The following TENM3 variants were observed in gnomAD, a reference collection of about 807,000 sequenced individuals.
The protein encoded by TENM3 is teneurin-3.
In TENM3, 63 loss-of-function variants were observed where a neutral mutation model predicts 255.1. That is an observed-to-expected ratio of 0.25 (90% CI 0.20 to 0.30). TENM3 has a LOEUF of 0.30. Among genes scored for constraint, TENM3 ranks in the 10% least tolerant of loss-of-function variants. TENM3 has a pLI of 1.00. For missense variants in TENM3, 2,929 were observed against 3,461.1 expected (o/e 0.85, Z 3.86); for synonymous variants, 1,306 against 1,322.3 (o/e 0.99, Z 0.27).
intron 3 of TENM3, among the ~76,000 whole-genome samples, chr4:182,459,256 T>G (rs532020371): frequency 1.3e-5 from 2 of 152,196 alleles, no homozygotes; most frequent in African/African-American, 4.8e-5. Context: ...AAAGAGAAAT[T>G]TCTCAGTATT....
chr4:182,667,554 T>A (rs148252750), intron 6 of TENM3, among the ~76,000 whole-genome samples: 30 of 152,296 alleles, frequency 2.0e-4, no homozygotes, highest in African/African-American at 6.5e-4. Flanking sequence ...AATCTACATT[T>A]TGTTAGAACC....
the TENM3 span, among the ~76,000 whole-genome samples, chr4:181,910,567 A>T: frequency 6.7e-6 from 1 of 148,794 alleles, no homozygotes; most frequent in African/African-American, 2.5e-5. Context: ...ACATATATAT[A>T]TATATAATGT....
chr4:181,557,084 T>C, the TENM3 span, among the ~76,000 whole-genome samples: 1 of 152,304 alleles, frequency 6.6e-6, no homozygotes, highest in South Asian at 2.1e-4. Context: ...GCCCTCTTTG[T>C]GCAAATTTGC....
At chr4:181,695,351 G>A in the TENM3 span, among the ~76,000 whole-genome samples, 1 of 152,286 alleles carries the variant, frequency 6.6e-6, no homozygotes, top group Admixed American at 6.5e-5. Context: ...GCCAACAGAG[G>A]GGGAGCAGTG....
the TENM3 span, among the ~76,000 whole-genome samples, chr4:181,981,571 A>T: frequency 1.3e-5 from 2 of 152,232 alleles, no homozygotes; most frequent in Admixed American, 6.5e-5. Context: ...ACAAGTTTTC[A>T]TCAAAACAGA....
At chr4:182,453,397 T>A (rs1362837524) in intron 3 of TENM3, among the ~76,000 whole-genome samples, 1 of 152,172 alleles carries the variant, frequency 6.6e-6, no homozygotes, top group Admixed American at 6.5e-5. Flanking sequence ...ATAGTTAAAT[T>A]TGGGAAACGA....
At chr4:182,680,459 T>C (rs1756077812) in intron 9 of TENM3, 84 bp from the exon 10 acceptor site, 2 of 1,532,410 alleles carry the variant, frequency 1.3e-6, no homozygotes, top group Non-Finnish European at 9.0e-7. Context: ...ACTGGCATAT[T>C]GCTTGTTCCA....
At chr4:181,633,006 T>C in the TENM3 span, among the ~76,000 whole-genome samples, 1 of 152,218 alleles carries the variant, frequency 6.6e-6, no homozygotes, top group Non-Finnish European at 1.5e-5. Context: ...ATTTTCTCCA[T>C]GACAAACATG....
chr4:181,475,250 C>A, the TENM3 span, among the ~76,000 whole-genome samples: 4,603 of 152,198 alleles, frequency 0.03, 232 homozygotes, highest in African/African-American at 0.11. Context: ...CCCTATAGAC[C>A]ACTAGGACCT....
At chr4:181,874,653 C>G in the TENM3 span, 1 of 152,366 alleles carries the variant, frequency 6.6e-6, no homozygotes, top group Admixed American at 6.5e-5. Context: ...ACAACATAAG[C>G]GTTAGCCAAG....
At chr4:181,885,415 A>G in the TENM3 span, among the ~76,000 whole-genome samples, 1 of 152,248 alleles carries the variant, frequency 6.6e-6, no homozygotes, top group Admixed American at 6.5e-5. Context: ...GGCATGCACC[A>G]CCACACCCGG....
chr4:181,537,480 A>T, the TENM3 span, among the ~76,000 whole-genome samples: 1 of 152,240 alleles, frequency 6.6e-6, no homozygotes, highest in Admixed American at 6.5e-5. Flanking sequence ...GGTTAGTCTG[A>T]GTTAATAAAA....
In TENM3 at chr4:182,625,224, C is replaced by T. The variant is rs149018135; in HGVS notation, c.750-3427C>T. 3.1e-4 allele frequency among the ~76,000 whole-genome samples: 47 copies of T among 152,206 alleles called. 1 individual carries two copies. In the South Asian group the frequency reaches 5.6e-3, roughly 18 times the overall value. ...GATGCCAAAGCCCACACTTGTAGCA[C>T]GGGTCCCCGACCACTGGGCTGTGGA... On this transcript the variant is annotated intron_variant, in intron 4 of 27. Transcript: ENST00000511685.
In TENM3 at chr4:182,585,689, C is replaced by T. The variant is rs983683973; in HGVS notation, c.512-15235C>T. On this transcript the variant is annotated intron_variant, in intron 3 of 27. Coordinates refer to ENST00000511685, the MANE Select transcript of TENM3 (RefSeq NM_001080477.4). ...CCACCCAGTCTATGGCATTTTGTTACGGAAGCTTGAGCAGACCAGTACGTC... is the reference window on the plus strand; with the variant it reads ...CCACCCAGTCTATGGCATTTTGTTATGGAAGCTTGAGCAGACCAGTACGTC... 7.2e-5 allele frequency among the ~76,000 whole-genome samples: 11 copies of T among 152,302 alleles called. 1 individual carries two copies. The highest frequency in any genetic ancestry group is 9.6e-5 in the African/African-American group (4 of 41,576).
chr4:181,981,776 G>C, the TENM3 span, among the ~76,000 whole-genome samples: 1 of 152,242 alleles, frequency 6.6e-6, no homozygotes, highest in South Asian at 2.1e-4. Flanking sequence ...ACTATAACAA[G>C]GATAGGCTTT....
intron 24 of TENM3, among the ~76,000 whole-genome samples, chr4:182,778,569 C>T (rs929712905): frequency 6.6e-6 from 1 of 152,142 alleles, no homozygotes; most frequent in African/African-American, 2.4e-5. Context: ...TCCTTACTTC[C>T]CCCCATGACA....
chr4:182,657,124 G>C (rs1753824213), intron 6 of TENM3, among the ~76,000 whole-genome samples: 1 of 152,114 alleles, frequency 6.6e-6, no homozygotes, highest in South Asian at 2.1e-4. Flanking sequence ...TCAAATCCTG[G>C]CTCCTTCATT....
At chr4:182,437,888 G>C (rs1254275877) in intron 3 of TENM3, among the ~76,000 whole-genome samples, 1 of 151,980 alleles carries the variant, frequency 6.6e-6, no homozygotes, top group Non-Finnish European at 1.5e-5. Flanking sequence ...GGAAGCAGTG[G>C]TTGCAGTGAG....
chr4:182,043,860 A>G, the TENM3 span, among the ~76,000 whole-genome samples: 1 of 152,156 alleles, frequency 6.6e-6, no homozygotes, highest in East Asian at 1.9e-4. Flanking sequence ...CGCCTTAGAA[A>G]AAGCGCTCCC....
Sources: gnomAD v4.1 joint callset for allele counts (sites outside exome capture counted in the v4.1 genomes callset) on GRCh38, gnomAD v4.1.1 for gene constraint, MANE v1.5 for transcripts, NCBI Gene and HGNC (gene_info 2026-07-23, HGNC 2026-07-21) for gene names.